Variants in CWC27 observed in about 807,000 individuals in gnomAD.
CWC27 encodes CWC27 spliceosome associated cyclophilin.
CWC27 carries 47 observed loss-of-function variants against 63.6 expected under a neutral mutation model. That is an observed-to-expected ratio of 0.74 (90% CI 0.58 to 0.94). CWC27 has a LOEUF of 0.94. CWC27 is among the 40% of genes least tolerant of loss of function. CWC27 has a pLI of 0.00. For missense variants in CWC27, 495 were observed against 554.3 expected (o/e 0.89, Z 1.07); for synonymous variants, 175 against 179.8 (o/e 0.97, Z 0.22).
chr5:64,788,247 TTTGC>T (rs530630348), intron 6 of CWC27, among the ~76,000 whole-genome samples: 225 of 152,198 alleles, frequency 1.5e-3, no homozygotes, highest in African/African-American at 5.3e-3. Context: ...TTTGGTGTGT[TTTGC>T]TTTGTTTTTG....
At chr5:64,774,841 G>T (rs1743386763) in intron 2 of CWC27, 54 bp downstream of exon 2, 2 of 1,010,924 alleles carry the variant, frequency 2.0e-6, no homozygotes, top group South Asian at 1.4e-5. Flanking sequence ...AAAATAAACT[G>T]CAGTGTCTGC....
At chr5:64,919,607 A>G (rs1747958577) in intron 11 of CWC27, among the ~76,000 whole-genome samples, 1 of 152,158 alleles carries the variant, frequency 6.6e-6, no homozygotes, top group Non-Finnish European at 1.5e-5. Context: ...AACATGCAGT[A>G]TATGGTTTTC....
At chr5:64,863,288 T>G (rs1746454779) in intron 10 of CWC27, among the ~76,000 whole-genome samples, 1 of 152,162 alleles carries the variant, frequency 6.6e-6, no homozygotes, top group Non-Finnish European at 1.5e-5. Flanking sequence ...GGTGATACTG[T>G]GATGGGCGAC....
chr5:64,885,694 T>G (rs1747054702), intron 11 of CWC27, 148 bp downstream of exon 11: 2 of 606,428 alleles, frequency 3.3e-6, no homozygotes, highest in South Asian at 1.9e-5. Flanking sequence ...CCCTCTTGAG[T>G]TAGGGTGTGT....
chr5:64,846,291 T>C (rs1580668912), intron 10 of CWC27, among the ~76,000 whole-genome samples: 2 of 152,210 alleles, frequency 1.3e-5, no homozygotes, highest in Non-Finnish European at 1.5e-5. Context: ...TCATCCCTAG[T>C]ACATGAGTCA....
At chr5:64,946,755 T>A (rs752137592) in intron 11 of CWC27, among the ~76,000 whole-genome samples, 41 of 151,148 alleles carry the variant, frequency 2.7e-4, no homozygotes, top group Non-Finnish European at 5.6e-4. Flanking sequence ...AATTAGACAA[T>A]TTCTTTTCCA....
intron 11 of CWC27, among the ~76,000 whole-genome samples, chr5:64,943,244 G>A (rs116016758): frequency 0.025 from 3,763 of 152,206 alleles, 161 homozygotes; most frequent in African/African-American, 0.085. Flanking sequence ...ACTAAGGAAA[G>A]ATATAAGGAT....
At chr5:64,810,768 C>A (rs559792910) in intron 10 of CWC27, among the ~76,000 whole-genome samples, 1 of 151,966 alleles carries the variant, frequency 6.6e-6, no homozygotes, top group South Asian at 2.1e-4. Flanking sequence ...AAACACATAC[C>A]TCCTTGATTA....
chr5:64,824,767 C>T lies in CWC27; in HGVS notation c.938+20381C>T, dbSNP rs562854551. Among the ~76,000 whole-genome samples the T allele has an allele frequency of 1.2e-4, 16 of 128,226 alleles. No individual in the cohort carries two copies. The East Asian group carries it at 1.3e-3, about 11-fold the overall frequency. The allele number at this position is 128,226 out of a possible 152,430, so 84.1% of individuals were successfully genotyped here. A position where few individuals can be genotyped will look rare whatever the true frequency, so the allele number is the denominator to read the frequency against. On this transcript the variant is annotated intron_variant, in intron 10 of 13. Transcript: ENST00000381070. ...TTTTTTTTTGAGATGGAGTCTCACTCCGTCGCCCAGGCTGGAGTGCAGTGG... is the reference window on the plus strand; with the variant it reads ...TTTTTTTTTGAGATGGAGTCTCACTTCGTCGCCCAGGCTGGAGTGCAGTGG...
chr5:64,905,647 A>G (rs904817822), intron 11 of CWC27, among the ~76,000 whole-genome samples: 5 of 152,300 alleles, frequency 3.3e-5, no homozygotes, highest in Middle Eastern at 6.8e-3. Context: ...TGAAAAGTCT[A>G]AAGAACATTG....
At chr5:64,826,203 T>C (rs1745355517) in intron 10 of CWC27, among the ~76,000 whole-genome samples, 1 of 152,228 alleles carries the variant, frequency 6.6e-6, no homozygotes. Flanking sequence ...CTCATTTTCA[T>C]TCAGCTCAAA....
intron 11 of CWC27, among the ~76,000 whole-genome samples, chr5:64,927,406 C>T (rs1162137181): frequency 2.6e-5 from 4 of 152,164 alleles, no homozygotes; most frequent in African/African-American, 9.7e-5. Flanking sequence ...GCCCTGCCTC[C>T]TGCCCCTCTT....
At chr5:64,907,501 G>A (rs992306358) in intron 11 of CWC27, among the ~76,000 whole-genome samples, 9 of 152,140 alleles carry the variant, frequency 5.9e-5, no homozygotes, top group Non-Finnish European at 1.3e-4. Flanking sequence ...TGTGATTTTT[G>A]CACATTGACT....
chr5:64,860,223 T>TA (rs1259082399), intron 10 of CWC27, among the ~76,000 whole-genome samples: 4 of 152,216 alleles, frequency 2.6e-5, no homozygotes, highest in African/African-American at 7.2e-5. Context: ...TATTTGCTGA[T>TA]ATTTAAATGA....
At chr5:65,007,016 A>G (rs908671937) in intron 13 of CWC27, among the ~76,000 whole-genome samples, 5 of 151,498 alleles carry the variant, frequency 3.3e-5, no homozygotes, top group Non-Finnish European at 5.9e-5. Flanking sequence ...GAAAGAAAGA[A>G]AGAAAGAAAA....
intron 13 of CWC27, among the ~76,000 whole-genome samples, chr5:65,014,636 A>AT (rs1750019509): frequency 6.6e-6 from 1 of 152,152 alleles, no homozygotes; most frequent in Non-Finnish European, 1.5e-5. Context: ...GTAAACTATC[A>AT]GACCCCCTGT....
At chr5:64,953,375 C>A (rs1369437335) in intron 11 of CWC27, among the ~76,000 whole-genome samples, 1 of 152,028 alleles carries the variant, frequency 6.6e-6, no homozygotes, top group Non-Finnish European at 1.5e-5. Context: ...AGACTCAAAC[C>A]TTCACCCGAG....
At chr5:64,922,723 C>G (rs1235451442) in intron 11 of CWC27, among the ~76,000 whole-genome samples, 1 of 152,202 alleles carries the variant, frequency 6.6e-6, no homozygotes, top group African/African-American at 2.4e-5. Context: ...AGTTCTTGCA[C>G]TGGTTCTTTC....
At chr5:64,836,540 TAAAACAAAAC>T (rs974874232) in intron 10 of CWC27, among the ~76,000 whole-genome samples, 2 of 151,956 alleles carry the variant, frequency 1.3e-5, no homozygotes, top group Non-Finnish European at 2.9e-5. Flanking sequence ...CATGTGACCT[TAAAACAAAAC>T]AAAACAAAAC....
Sources: gnomAD v4.1 joint callset for allele counts (sites outside exome capture counted in the v4.1 genomes callset) on GRCh38, gnomAD v4.1.1 for gene constraint, MANE v1.5 for transcripts, NCBI Gene and HGNC (gene_info 2026-07-23, HGNC 2026-07-21) for gene names.